Variants in SYNJ2BP observed in about 807,000 individuals in gnomAD.
SYNJ2BP encodes the protein synaptojanin-2-binding protein.
SYNJ2BP carries 10 observed loss-of-function variants against 16.9 expected under a neutral mutation model. That is an observed-to-expected ratio of 0.59 (90% confidence interval 0.36 to 1.00). SYNJ2BP has a LOEUF of 1.00. SYNJ2BP is among the 50% of genes least tolerant of loss of function. SYNJ2BP has a pLI of 0.01. For missense variants in SYNJ2BP, 162 were observed against 186.7 expected (o/e 0.87, Z 0.77); for synonymous variants, 54 against 68.4 (o/e 0.79, Z 1.04).
rs1887399335 is a variant in SYNJ2BP, at chr14:70,366,897, A to G, written c.*6094T>C. The G allele has an allele frequency of 6.6e-6, 1 of 152,242 alleles. No individual in the cohort carries two copies. The highest frequency in any genetic ancestry group is 6.5e-5 in the Admixed American group (1 of 15,280). 9.4% of individuals were successfully genotyped at this position (152,242 alleles called of 1,614,324 possible). A position where few individuals can be genotyped will look rare whatever the true frequency, so the allele number is the denominator to read the frequency against. On this transcript the variant is annotated 3_prime_UTR_variant, in exon 4 of 4. Coordinates refer to ENST00000256366, the MANE Select transcript of SYNJ2BP (RefSeq NM_018373.3). ...TATCCGGTAATAAGAAGCCCAGATT[A>G]CTGCAGATAAAAGATTAAAATAGGA...
At chr14:70,382,609 A>G (rs1887776790) in intron 2 of SYNJ2BP, among the ~76,000 whole-genome samples, 1 of 152,194 alleles carries the variant, frequency 6.6e-6, no homozygotes, top group Admixed American at 6.5e-5. Context: ...TAGTACCAGA[A>G]GCTACTCGGC....
intron 1 of SYNJ2BP, among the ~76,000 whole-genome samples, chr14:70,403,444 G>A (rs147639251): frequency 1.3e-5 from 2 of 152,260 alleles, no homozygotes; most frequent in Non-Finnish European, 2.9e-5. Context: ...TAGTCATGGC[G>A]TGAAAAAGAA....
chr14:70,412,592 A>ATG (rs1473728295), intron 1 of SYNJ2BP, among the ~76,000 whole-genome samples: 4 of 148,810 alleles, frequency 2.7e-5, no homozygotes, highest in African/African-American at 9.8e-5. Context: ...ATATATATGT[A>ATG]TGTATAGTAT....
At chr14:70,415,183 A>AT (rs1344455093) in intron 1 of SYNJ2BP, among the ~76,000 whole-genome samples, 7 of 143,488 alleles carry the variant, frequency 4.9e-5, no homozygotes, top group East Asian at 2.5e-4. Flanking sequence ...TAAAAAAAAA[A>AT]AAATATTAAT....
At chr14:70,374,456 A>G (rs1887580709) in intron 3 of SYNJ2BP, among the ~76,000 whole-genome samples, 2 of 152,310 alleles carry the variant, frequency 1.3e-5, no homozygotes, top group African/African-American at 4.8e-5. Flanking sequence ...GAGTGCACCT[A>G]TTTAAGAAGT....
chr14:70,373,900 G>A (rs769981569), intron 3 of SYNJ2BP, among the ~76,000 whole-genome samples: 6 of 152,100 alleles, frequency 3.9e-5, no homozygotes, highest in Admixed American at 6.5e-5. Flanking sequence ...TGGCATCATC[G>A]TATTTCAGTT....
At chr14:70,374,390 T>C (rs1887579707) in intron 3 of SYNJ2BP, among the ~76,000 whole-genome samples, 1 of 152,222 alleles carries the variant, frequency 6.6e-6, no homozygotes. Context: ...TCTACTTTTT[T>C]AGGAACTCCT....
chr14:70,370,162 A>G lies in SYNJ2BP; in HGVS notation c.*2829T>C, dbSNP rs1040344109. On this transcript the variant is annotated 3_prime_UTR_variant, in exon 4 of 4. Transcript: ENST00000256366. ...AACTTCTACCAACGACAGAATGGAT[A>G]CTTTTTAAACAAATTTACATATACC... 6.6e-6 allele frequency: 1 copy of G among 152,226 alleles called. No homozygotes were observed. The highest frequency in any genetic ancestry group is 1.5e-5 in the Non-Finnish European group (1 of 68,028). 9.4% of individuals were successfully genotyped at this position (152,226 alleles called of 1,614,324 possible).
intron 3 of SYNJ2BP, 113 bp from the exon 4 acceptor site, chr14:70,373,244 C>A: frequency 1.4e-6 from 2 of 1,379,930 alleles, no homozygotes; most frequent in Non-Finnish European, 9.8e-7. Flanking sequence ...AAAACTGTAA[C>A]CCCCAGCAAT....
At chr14:70,398,376 G>T (rs1312359597) in intron 1 of SYNJ2BP, among the ~76,000 whole-genome samples, 1 of 152,154 alleles carries the variant, frequency 6.6e-6, no homozygotes, top group African/African-American at 2.4e-5. Flanking sequence ...ACCATCCATG[G>T]CGACCAGCCT....
In SYNJ2BP at chr14:70,372,745, C is replaced by A; in HGVS notation, c.*246G>T. ...TTGTAGCTGAATTTCTATCAAAAGT[C>A]CTAGTAAAATATATAACTCCTCATT... On this transcript the variant is annotated 3_prime_UTR_variant, in exon 4 of 4. Transcript: ENST00000256366. 1 of 417,494 alleles carries A rather than the reference C, an allele frequency of 2.4e-6. No individual in the cohort carries two copies. The highest frequency in any genetic ancestry group is 4.3e-5 in the East Asian group (1 of 23,236). The allele number at this position is 417,494 out of a possible 1,614,324, so 25.9% of individuals were successfully genotyped here. A position where few individuals can be genotyped will look rare whatever the true frequency, so the allele number is the denominator to read the frequency against.
rs1887616588 is a variant in SYNJ2BP at position 70,375,740 on chromosome 14, T to A, written c.233A>T (p.His78Leu). 6.2e-7 allele frequency: 1 copy of A among 1,614,128 alleles called. No homozygotes were observed. Among genetic ancestry groups the A allele is most frequent in the African/African-American group, 1.3e-5 (1 of 75,048 alleles). ...ACGAAAGAGGTCTACAGCATCCTGGTGCAGCAGGTTCTTTAGGTCTTGGCC... is the reference window on the plus strand; with the variant it reads ...ACGAAAGAGGTCTACAGCATCCTGGAGCAGCAGGTTCTTTAGGTCTTGGCC... ...VNGQDLKNLL[H>L]QDAVDLFRNA... The change falls in exon 3 of 4, where the codon CAC (histidine) becomes CTC (leucine). Residue 78 changes from histidine (H) to leucine (L), a missense_variant. Transcript: ENST00000256366.
chr14:70,380,044 G>T (rs1359073869), intron 2 of SYNJ2BP, among the ~76,000 whole-genome samples: 2 of 152,140 alleles, frequency 1.3e-5, no homozygotes, highest in African/African-American at 4.8e-5. Flanking sequence ...GGAGCTGTCT[G>T]TTCATCTTAC....
chr14:70,367,364 C>G lies in SYNJ2BP; in HGVS notation c.*5627G>C, dbSNP rs1887411426. The G allele has an allele frequency of 6.6e-6, 1 of 151,842 alleles. No individual in the cohort carries two copies. Among genetic ancestry groups the G allele is most frequent in the Non-Finnish European group, 1.5e-5 (1 of 67,982 alleles). The allele number at this position is 151,842 out of a possible 1,614,324, so 9.4% of individuals were successfully genotyped here. A position where few individuals can be genotyped will look rare whatever the true frequency, so the allele number is the denominator to read the frequency against. On this transcript the variant is annotated 3_prime_UTR_variant, in exon 4 of 4. Coordinates refer to ENST00000256366, the MANE Select transcript of SYNJ2BP (RefSeq NM_018373.3). ...GGATCACGAGGTCAGGAATTCAAGACCAGCCTGGCCAAGATGCTGAAACCC... is the reference window on the plus strand; with the variant it reads ...GGATCACGAGGTCAGGAATTCAAGAGCAGCCTGGCCAAGATGCTGAAACCC...
At chr14:70,399,623 C>T (rs570872353) in intron 1 of SYNJ2BP, among the ~76,000 whole-genome samples, 8 of 152,350 alleles carry the variant, frequency 5.3e-5, no homozygotes, top group South Asian at 4.1e-4. Flanking sequence ...TCACTGCCCA[C>T]GCCTCCCCGC....
At chr14:70,389,254 A>T (rs969543123) in intron 1 of SYNJ2BP, among the ~76,000 whole-genome samples, 2 of 152,142 alleles carry the variant, frequency 1.3e-5, no homozygotes, top group Non-Finnish European at 2.9e-5. Context: ...TATCAAATGA[A>T]CTGTTCCTAA....
intron 1 of SYNJ2BP, among the ~76,000 whole-genome samples, chr14:70,397,579 G>A (rs909415846): frequency 9.2e-5 from 14 of 152,184 alleles, no homozygotes; most frequent in African/African-American, 2.7e-4. Flanking sequence ...TGGACCAGGC[G>A]TAGCGCGAGC....
intron 1 of SYNJ2BP, among the ~76,000 whole-genome samples, chr14:70,402,783 A>T (rs1204714170): frequency 6.6e-6 from 1 of 152,212 alleles, no homozygotes; most frequent in Non-Finnish European, 1.5e-5. Context: ...TAATCTAATC[A>T]AGAAACGAAC....
intron 1 of SYNJ2BP, among the ~76,000 whole-genome samples, chr14:70,392,110 T>C (rs940705510): frequency 6.6e-6 from 1 of 152,220 alleles, no homozygotes; most frequent in African/African-American, 2.4e-5. Flanking sequence ...GAGGAAGACA[T>C]AAAGTTAAAC....
Sources: gnomAD v4.1 joint callset for allele counts (sites outside exome capture counted in the v4.1 genomes callset) on GRCh38, gnomAD v4.1.1 for gene constraint, MANE v1.5 for transcripts, NCBI Gene and HGNC (gene_info 2026-07-23, HGNC 2026-07-21) for gene names.